The following EYA2 variants were observed in gnomAD, a reference collection of about 807,000 sequenced individuals.
EYA2 encodes EYA transcriptional coactivator and phosphatase 2, also known as protein phosphatase EYA2.
EYA2 carries 31 observed loss-of-function variants against 69.2 expected under a neutral mutation model. The ratio of observed to expected loss-of-function variants is 0.45; its 90% CI spans 0.34 to 0.60. EYA2 has a LOEUF of 0.60. Ranked by LOEUF, EYA2 falls within the 20% of genes least tolerant of loss-of-function variation. The probability of loss-of-function intolerance (pLI) is 0.02; values close to 1 mark genes in which losing one functional copy is unlikely to be tolerated. For synonymous variants in EYA2, 257 were observed against 279.4 expected, an observed-to-expected ratio of 0.92 and a Z score of 0.80; for missense variants, 622 against 701.2, an observed-to-expected ratio of 0.89 and a Z score of 1.28.
chr20:46,902,204 T>G (rs1222232851), intron 1 of EYA2, among the ~76,000 whole-genome samples: 1 of 152,226 alleles, frequency 6.6e-6, no homozygotes, highest in Non-Finnish European at 1.5e-5. Flanking sequence ...TTTGGAAATG[T>G]CTTCCTGTAG....
intron 5 of EYA2, among the ~76,000 whole-genome samples, chr20:47,063,373 TTGTGTGTGTGTGCGTGTGCG>T (rs1173314595): frequency 2.2e-5 from 3 of 137,108 alleles, no homozygotes; most frequent in African/African-American, 8.7e-5. Context: ...TTGGGTTTAT[TTGTGTGTGTGTGCGTGTGCG>T]TGTGTGTGTG....
At chr20:47,160,963 T>C in intron 10 of EYA2, 1 of 287,500 alleles carries the variant, frequency 3.5e-6, no homozygotes, top group South Asian at 4.8e-5. Context: ...GAATACAGTC[T>C]CCTTCCAGAG....
intron 1 of EYA2, among the ~76,000 whole-genome samples, chr20:46,900,717 C>T (rs1984059220): frequency 6.6e-6 from 1 of 152,206 alleles, no homozygotes; most frequent in Admixed American, 6.5e-5. Flanking sequence ...AAATGTTGGA[C>T]TTCATTTTGA....
At chr20:47,068,317 G>A (rs1009700534) in intron 5 of EYA2, among the ~76,000 whole-genome samples, 2 of 152,182 alleles carry the variant, frequency 1.3e-5, no homozygotes, top group Non-Finnish European at 2.9e-5. Flanking sequence ...TTTGTGTAGA[G>A]AAGCCATGTG....
At chr20:46,921,121 C>A (rs1416347578) in intron 1 of EYA2, among the ~76,000 whole-genome samples, 1 of 152,230 alleles carries the variant, frequency 6.6e-6, no homozygotes, top group East Asian at 1.9e-4. Context: ...TGTGCCCACA[C>A]CTCCGCTGGC....
At chr20:46,944,126 C>T (rs1299084723) in intron 1 of EYA2, among the ~76,000 whole-genome samples, 1 of 152,126 alleles carries the variant, frequency 6.6e-6, no homozygotes, top group African/African-American at 2.4e-5. Flanking sequence ...TGGGGAGTCC[C>T]AGGAATGGCC....
chr20:47,094,232 A>T (rs2032180056), intron 8 of EYA2, among the ~76,000 whole-genome samples: 1 of 152,214 alleles, frequency 6.6e-6, no homozygotes, highest in African/African-American at 2.4e-5. Context: ...CTGATTTTTA[A>T]AAGTTCTATT....
intron 1 of EYA2, among the ~76,000 whole-genome samples, chr20:46,987,141 C>T (rs1331217668): frequency 6.6e-6 from 1 of 152,178 alleles, no homozygotes; most frequent in African/African-American, 2.4e-5. Flanking sequence ...TAAATACCTT[C>T]GGCTCTGCAG....
chr20:47,087,839 C>G (rs758004029), intron 7 of EYA2, among the ~76,000 whole-genome samples: 1 of 152,268 alleles, frequency 6.6e-6, no homozygotes, highest in Non-Finnish European at 1.5e-5. Context: ...CACCTCCTAA[C>G]TGCCAGGCCT....
chr20:46,963,269 A>G (rs1979580717), intron 1 of EYA2, among the ~76,000 whole-genome samples: 2 of 152,116 alleles, frequency 1.3e-5, no homozygotes, highest in African/African-American at 4.8e-5. Flanking sequence ...TCAAGTCAGC[A>G]TCCTCTCTTA....
At chr20:46,978,561 T>A (rs1220326351) in intron 1 of EYA2, 1 of 534,620 alleles carries the variant, frequency 1.9e-6, no homozygotes, top group Admixed American at 1.9e-5. Context: ...AGAAGCCAGA[T>A]CAAGGCTGTG....
chr20:46,895,484 C>T (rs1011731125), intron 1 of EYA2, among the ~76,000 whole-genome samples: 2 of 152,220 alleles, frequency 1.3e-5, no homozygotes, highest in Non-Finnish European at 2.9e-5. Flanking sequence ...ACTTTGCCTT[C>T]TAGCTATTGA....
intron 5 of EYA2, among the ~76,000 whole-genome samples, chr20:47,071,595 ATT>A (rs2146472195): frequency 6.6e-6 from 1 of 152,232 alleles, no homozygotes; most frequent in East Asian, 1.9e-4. Flanking sequence ...CTGGCCTCAA[ATT>A]TTTTAAAAAC....
chr20:46,910,710 G>C (rs576096860), intron 1 of EYA2, among the ~76,000 whole-genome samples: 1 of 152,262 alleles, frequency 6.6e-6, no homozygotes, highest in South Asian at 2.1e-4. Flanking sequence ...CTCCATCTAG[G>C]GGCATGGCAG....
At chr20:46,983,793 C>CT (rs1205182336) in intron 1 of EYA2, among the ~76,000 whole-genome samples, 1 of 152,110 alleles carries the variant, frequency 6.6e-6, no homozygotes, top group Non-Finnish European at 1.5e-5. Context: ...TAAGCTGTTG[C>CT]TTTTTTTCTT....
intron 10 of EYA2, among the ~76,000 whole-genome samples, chr20:47,144,837 G>A (rs925700970): frequency 2.6e-5 from 4 of 152,176 alleles, no homozygotes; most frequent in African/African-American, 4.8e-5. Flanking sequence ...GTTCAGGCTC[G>A]CTTCACGATG....
In EYA2 at chr20:47,015,479, G is replaced by A. The variant is rs530268119; in HGVS notation, c.299-702G>A. On this transcript the variant is annotated intron_variant, in intron 4 of 15. Transcript: ENST00000327619. ...AGTTAAGTGATATCATCTTTGCAGAGGAAGGGTGGTTCATTTCACACCTTT... is the reference window on the plus strand; with the variant it reads ...AGTTAAGTGATATCATCTTTGCAGAAGAAGGGTGGTTCATTTCACACCTTT... 9.9e-5 allele frequency among the ~76,000 whole-genome samples: 15 copies of A among 152,242 alleles called. No individual in the cohort carries two copies. The South Asian group carries it at 3.1e-3, about 32-fold the overall frequency.
chr20:47,187,757 C>T (rs3818007), intron 15 of EYA2, among the ~76,000 whole-genome samples: 11,621 of 152,302 alleles, frequency 0.076, 1,217 homozygotes, highest in African/African-American at 0.23. Context: ...AACACCATGT[C>T]AGTGCACCGC....
intron 2 of EYA2, among the ~76,000 whole-genome samples, chr20:46,990,441 G>GT (rs1189098945): frequency 6.6e-6 from 1 of 152,174 alleles, no homozygotes; most frequent in African/African-American, 2.4e-5. Context: ...GTGTTTTGCA[G>GT]TGTCTGTTTC....
Sources: allele counts gnomAD v4.1 joint callset (sites outside exome capture counted in the v4.1 genomes callset), GRCh38; gene constraint gnomAD v4.1.1; transcripts MANE v1.5; gene names NCBI Gene and HGNC (gene_info 2026-07-23, HGNC 2026-07-21).